Variants in FKBP1A observed in about 807,000 individuals in gnomAD.
FKBP1A encodes peptidyl-prolyl cis-trans isomerase FKBP1A.
A neutral mutation model predicts 14.2 loss-of-function variants in FKBP1A; 5 were observed. The observed-to-expected ratio is 0.35, with a 90% CI of 0.18 to 0.74. FKBP1A has a LOEUF of 0.74. Among genes scored for constraint, FKBP1A ranks in the 30% least tolerant of loss-of-function variants. The pLI, the probability that FKBP1A is intolerant of heterozygous loss-of-function variation, is 0.56. For synonymous variants in FKBP1A, 42 were observed against 49.1 expected (o/e 0.86, Z 0.60); for missense variants, 53 against 138.8 (o/e 0.38, Z 3.10).
intron 2 of FKBP1A, chr20:1,391,661 A>G (rs2089738267): frequency 5.0e-6 from 2 of 398,520 alleles, no homozygotes; most frequent in East Asian, 3.6e-5. Flanking sequence ...CCATGTTTCC[A>G]TGATTTGGAA....
intron 2 of FKBP1A, among the ~76,000 whole-genome samples, chr20:1,387,621 G>A (rs983306514): frequency 1.3e-5 from 2 of 152,110 alleles, no homozygotes; most frequent in East Asian, 1.9e-4. Flanking sequence ...TAAGGAGGGT[G>A]GATCACTTGA....
intron 4 of FKBP1A, 143 bp from the exon 5 acceptor site, chr20:1,370,215 G>A: frequency 7.1e-7 from 1 of 1,409,024 alleles, no homozygotes. Context: ...TGTTCCAGCT[G>A]GAGACAGCCA....
intron 3 of FKBP1A, among the ~76,000 whole-genome samples, chr20:1,372,473 C>T (rs1382486432): frequency 6.6e-6 from 1 of 152,220 alleles, no homozygotes; most frequent in Admixed American, 6.5e-5. Flanking sequence ...AAAACCCCTC[C>T]TGACTCTCAG....
At chr20:1,388,762 G>A (rs1050817925) in intron 2 of FKBP1A, among the ~76,000 whole-genome samples, 12 of 152,074 alleles carry the variant, frequency 7.9e-5, no homozygotes, top group African/African-American at 1.9e-4. Context: ...GGGCGGGGGC[G>A]GGCATTAAAA....
In FKBP1A at chr20:1,390,239, C is replaced by T. The variant is rs139930291; in HGVS notation, c.85+2595G>A. 5.5e-3 allele frequency among the ~76,000 whole-genome samples: 842 copies of T among 152,042 alleles called. 5 individuals carry two copies. Among genetic ancestry groups the T allele is most frequent in the African/African-American group, 0.017 (707 of 41,444 alleles). On this transcript the variant is annotated intron_variant, in intron 2 of 4. Coordinates refer to ENST00000400137, the MANE Select transcript of FKBP1A (RefSeq NM_000801.5). ...GACACCTGGCAAGAGCTGACTGGAT[C>T]AAGAGTGTTCACCTTACTCAAACTC... is the stretch of plus-strand genomic sequence containing the variant.
In FKBP1A at chr20:1,369,851, CA is replaced by C. The variant is rs2089438713; in HGVS notation, c.*257del. 2 of 613,524 alleles carry C rather than the reference CA, an allele frequency of 3.3e-6. No individual in the cohort carries two copies. The highest frequency in any genetic ancestry group is 5.3e-6 in the Non-Finnish European group (2 of 376,928). 38.0% of individuals were successfully genotyped at this position (613,524 alleles called of 1,614,324 possible). The stretch of plus-strand genomic sequence containing the variant: ...CTGAATCTTCACCCCAAAATGAAAA[CA>C]AAATAAAATGAATAACTTGAGGTTT... On this transcript the variant is annotated 3_prime_UTR_variant, in exon 5 of 5. Coordinates refer to ENST00000400137, the MANE Select transcript of FKBP1A (RefSeq NM_000801.5).
In FKBP1A at chr20:1,384,084, G is replaced by C. The variant is rs1271636776; in HGVS notation, c.86-8481C>G. On this transcript the variant is annotated intron_variant, in intron 2 of 4. Transcript: ENST00000400137. Reference sequence around the variant, plus strand: ...AGCCTTCGTACCCCAGCATAGTGAAGAGCACTCCCCTCATGCTTTAGTCTC... The same window carrying C: ...AGCCTTCGTACCCCAGCATAGTGAACAGCACTCCCCTCATGCTTTAGTCTC... Among the ~76,000 whole-genome samples, 5 of 152,158 alleles carry C rather than the reference G, an allele frequency of 3.3e-5. No homozygotes were observed. In the East Asian group the frequency reaches 7.7e-4, roughly 23 times the overall value.
chr20:1,370,640 T>C, intron 4 of FKBP1A: 1 of 985,440 alleles, frequency 1.0e-6, no homozygotes, highest in Non-Finnish European at 1.2e-6. Flanking sequence ...CCCTTGGATT[T>C]TCCTTCCAGA....
At chr20:1,389,237 C>T (rs1032888308) in intron 2 of FKBP1A, among the ~76,000 whole-genome samples, 4 of 152,176 alleles carry the variant, frequency 2.6e-5, no homozygotes, top group African/African-American at 9.7e-5. Context: ...TAGCCATGTC[C>T]CTAGAGCCTG....
intron 2 of FKBP1A, among the ~76,000 whole-genome samples, chr20:1,391,334 C>A (rs528034713): frequency 1.6e-4 from 24 of 152,294 alleles, no homozygotes; most frequent in Admixed American, 7.2e-4. Context: ...TGACAAATCA[C>A]CAAAAGGATG....
intron 4 of FKBP1A, chr20:1,371,228 A>C: frequency 5.1e-6 from 5 of 984,550 alleles, no homozygotes; most frequent in Non-Finnish European, 6.0e-6. Context: ...TAATGATTCT[A>C]ACACTTACAT....
intron 2 of FKBP1A, among the ~76,000 whole-genome samples, chr20:1,383,838 T>TA (rs544119938): frequency 0.084 from 11,463 of 136,744 alleles, 550 homozygotes; most frequent in Middle Eastern, 0.15. Context: ...CTCTGTCTCT[T>TA]AAAAAAAAAA....
chr20:1,383,685 A>T (rs866850651), intron 2 of FKBP1A, among the ~76,000 whole-genome samples: 25 of 21,370 alleles, frequency 1.2e-3, no homozygotes, highest in South Asian at 8.0e-3. Context: ...GCAAAAAATT[A>T]AAAAAAAAAA....
At position 1,383,684 on chromosome 20, in the gene FKBP1A, T is replaced by TAAAAAAAAAA. The variant is rs34991787; in HGVS notation, c.86-8091_86-8082dup. ...CCCCAATCCTGTTTCTGCAAAAAAT[T>TAAAAAAAAAA]AAAAAAAAAAAAAAAAAAATTTAGC... On this transcript the variant is annotated intron_variant, in intron 2 of 4. Coordinates refer to ENST00000400137, the MANE Select transcript of FKBP1A (RefSeq NM_000801.5). Among the ~76,000 whole-genome samples, 154 of 125,244 alleles carry TAAAAAAAAAA rather than the reference T, an allele frequency of 1.2e-3. 1 individual carries two copies. The highest frequency in any genetic ancestry group is 4.4e-3 in the Middle Eastern group (1 of 228). 82.2% of individuals were successfully genotyped at this position (125,244 alleles called of 152,430 possible). A position where few individuals can be genotyped will look rare whatever the true frequency, so the allele number is the denominator to read the frequency against.
intron 4 of FKBP1A, chr20:1,371,651 A>G (rs2089466083): frequency 4.9e-5 from 44 of 906,840 alleles, no homozygotes; most frequent in Non-Finnish European, 5.8e-5. Flanking sequence ...CTAGGACATG[A>G]TATTCATATC....
At position 1,375,700 on chromosome 20, in the gene FKBP1A, A is replaced by G; in HGVS notation, c.86-97T>C. ...CACTCATCAGAGATGCCAGTGCTGAAGAGTCTGGCAGGAACTGCAGTATCT... is the reference window on the plus strand; with the variant it reads ...CACTCATCAGAGATGCCAGTGCTGAGGAGTCTGGCAGGAACTGCAGTATCT... On this transcript the variant is annotated intron_variant, in intron 2 of 4. Transcript: ENST00000400137. 3.5e-6 allele frequency: 3 copies of G among 862,452 alleles called. No individual in the cohort carries two copies. In the Admixed American group the frequency reaches 5.8e-5, roughly 17 times the overall value. The allele number at this position is 862,452 out of a possible 1,614,324, so 53.4% of individuals were successfully genotyped here.
intron 4 of FKBP1A, 185 bp downstream of exon 4, chr20:1,371,891 G>C: frequency 7.3e-7 from 1 of 1,361,680 alleles, no homozygotes; most frequent in Non-Finnish European, 9.4e-7. Context: ...CCTTTCCTTA[G>C]GGTGACCAAT....
intron 4 of FKBP1A, among the ~76,000 whole-genome samples, chr20:1,371,324 G>C (rs1261575208): frequency 6.6e-6 from 1 of 152,204 alleles, no homozygotes; most frequent in African/African-American, 2.4e-5. Context: ...AGGGGCTCTG[G>C]TCCTACTTTG....
intron 2 of FKBP1A, among the ~76,000 whole-genome samples, chr20:1,390,189 G>C (rs1214428247): frequency 6.6e-6 from 1 of 152,084 alleles, no homozygotes; most frequent in Non-Finnish European, 1.5e-5. Context: ...TCTTTCTCTG[G>C]ACCCGTGCCC....
Sources: gnomAD v4.1 joint callset for allele counts (sites outside exome capture counted in the v4.1 genomes callset) on GRCh38, gnomAD v4.1.1 for gene constraint, MANE v1.5 for transcripts, NCBI Gene and HGNC (gene_info 2026-07-23, HGNC 2026-07-21) for gene names.